Variants in SGSM1 observed in about 807,000 individuals in gnomAD.
The protein encoded by SGSM1 is small G protein signaling modulator 1, also known as RUN and TBC1 domain containing 2.
SGSM1 carries 73 observed loss-of-function variants against 133.8 expected under a neutral mutation model. The observed-to-expected ratio is 0.55, with a 90% CI of 0.45 to 0.66. The LOEUF (loss-of-function observed/expected upper bound fraction) is 0.66. Ranked by LOEUF, SGSM1 falls within the 30% of genes least tolerant of loss-of-function variation. The pLI, the probability that SGSM1 is intolerant of heterozygous loss-of-function variation, is 0.00. For missense variants in SGSM1, 1,213 were observed against 1,448.1 expected, an observed-to-expected ratio of 0.84 and a Z score of 2.64; for synonymous variants, 563 against 573.0, an observed-to-expected ratio of 0.98 and a Z score of 0.25.
intron 2 of SGSM1, among the ~76,000 whole-genome samples, chr22:24,830,433 G>A (rs531734550): frequency 3.2e-4 from 48 of 152,308 alleles, no homozygotes; most frequent in Non-Finnish European, 6.6e-4. Context: ...AGCTGTAAGT[G>A]GACAACCTTC....
chr22:24,851,740 A>G (rs967990969), intron 5 of SGSM1, among the ~76,000 whole-genome samples: 1 of 152,184 alleles, frequency 6.6e-6, no homozygotes, highest in African/African-American at 2.4e-5. Context: ...TGGTCAGGGA[A>G]AGTGTCCTGG....
chr22:24,844,777 A>C, intron 2 of SGSM1, 120 bp from the exon 3 acceptor site: 1 of 794,074 alleles, frequency 1.3e-6, no homozygotes, highest in Non-Finnish European at 2.0e-6. Context: ...GCAGGTGTCA[A>C]AACATCCCAA....
intron 2 of SGSM1, among the ~76,000 whole-genome samples, chr22:24,840,739 A>T (rs2147826040): frequency 6.6e-6 from 1 of 151,488 alleles, no homozygotes; most frequent in South Asian, 2.1e-4. Context: ...TTTCTTTGAG[A>T]TCTTTCTTAT....
At chr22:24,850,214 T>C in intron 4 of SGSM1, 66 bp from the exon 5 acceptor site, 1 of 1,444,684 alleles carries the variant, frequency 6.9e-7, no homozygotes, top group South Asian at 1.3e-5. Flanking sequence ...TTCTCCCATT[T>C]GCCAATTAGT....
chr22:24,871,512 G>C (rs1446710401), intron 12 of SGSM1, among the ~76,000 whole-genome samples: 1 of 152,152 alleles, frequency 6.6e-6, no homozygotes, highest in Non-Finnish European at 1.5e-5. Flanking sequence ...TCTGTCTGCT[G>C]TCCCACTGTC....
chr22:24,847,916 A>C, intron 4 of SGSM1, 120 bp downstream of exon 4: 1 of 1,338,406 alleles, frequency 7.5e-7, no homozygotes, highest in East Asian at 2.6e-5. Flanking sequence ...CTGCTTCTCA[A>C]ACCCACCAGA....
chr22:24,820,159 A>G (rs542895180), intron 2 of SGSM1, among the ~76,000 whole-genome samples: 6 of 152,268 alleles, frequency 3.9e-5, no homozygotes, highest in African/African-American at 1.4e-4. Context: ...TCACAGCTCC[A>G]TCCTCTCCTG....
chr22:24,888,938 C>CTTT (rs1234715475), intron 16 of SGSM1, among the ~76,000 whole-genome samples: 2,060 of 79,936 alleles, frequency 0.026, 134 homozygotes, highest in African/African-American at 0.063. Context: ...TCATAGTCAC[C>CTTT]TTTTTTTTTT....
chr22:24,863,661 C>T (rs1242560370), intron 9 of SGSM1, among the ~76,000 whole-genome samples: 1 of 151,662 alleles, frequency 6.6e-6, no homozygotes, highest in Non-Finnish European at 1.5e-5. Context: ...CCAGGAGCTC[C>T]AGCATCCCTT....
chr22:24,927,187 A>G lies in SGSM1; in HGVS notation c.*2913A>G, dbSNP rs1233463999. 1 of 152,192 alleles carries G rather than the reference A, an allele frequency of 6.6e-6. No individual in the cohort carries two copies. The highest frequency in any genetic ancestry group is 1.9e-4 in the East Asian group (1 of 5,192). 9.4% of individuals were successfully genotyped at this position (152,192 alleles called of 1,614,324 possible). A position where few individuals can be genotyped will look rare whatever the true frequency, so the allele number is the denominator to read the frequency against. On this transcript the variant is annotated 3_prime_UTR_variant, in exon 25 of 25. Coordinates refer to ENST00000400358, the MANE Select transcript of SGSM1 (RefSeq NM_001098497.3). Reference sequence around the variant, plus strand: ...GTGTCTGTGGTCAGCTGATGTCCAGATAGGCAACTCTGCTTCTGATGGTTG... The same window carrying G: ...GTGTCTGTGGTCAGCTGATGTCCAGGTAGGCAACTCTGCTTCTGATGGTTG...
At position 24,884,195 on chromosome 22, in the gene SGSM1, C is replaced by T. The variant is rs759834080; in HGVS notation, c.1638C>T (p.Ser546=). The T allele has an allele frequency of 6.2e-7, 1 of 1,612,556 alleles. No individual in the cohort carries two copies. Among genetic ancestry groups the T allele is most frequent in the Non-Finnish European group, 8.5e-7 (1 of 1,178,892 alleles). ...ARIWEQYLHD[S]TSYEEQELLR... ...TCTGGGAGCAGTACCTTCACGACAGCACAGTAAGGCTTAGCTGGGCTTGGT... is the reference window on the plus strand; with the variant it reads ...TCTGGGAGCAGTACCTTCACGACAGTACAGTAAGGCTTAGCTGGGCTTGGT... Residue 546 remains serine (S), a synonymous_variant, in exon 15 of 25, where the codon AGC becomes AGT. Coordinates refer to ENST00000400358, the MANE Select transcript of SGSM1 (RefSeq NM_001098497.3).
chr22:24,825,577 G>A (rs1928749818), intron 2 of SGSM1, among the ~76,000 whole-genome samples: 1 of 152,196 alleles, frequency 6.6e-6, no homozygotes, highest in Middle Eastern at 3.4e-3. Flanking sequence ...TTACAGGCAT[G>A]TGCCTCCACA....
Position 24,898,488 on chromosome 22 carries a change from C to G in SGSM1, c.2539C>G (p.Leu847Val). ...EPEMESLFPA[L>V]ASLAVTTSAN... ...TGAGATGGAAAGTCTCTTCCCTGCC[C>G]TGGCTTCTCTGGCTGTGACTACTTC... is the stretch of plus-strand genomic sequence containing the variant. The change falls in exon 19 of 25, where the codon CTG becomes GTG. Residue 847 changes from leucine (L) to valine (V), a missense_variant. Transcript: ENST00000400358. 1 of 1,613,904 alleles carries G rather than the reference C, an allele frequency of 6.2e-7. No individual in the cohort carries two copies.
rs1267599819 is a variant in SGSM1 at position 24,855,522 on chromosome 22, CCT to C, written c.670-24_670-23del. On this transcript the variant is annotated intron_variant, in intron 7 of 24. Coordinates refer to ENST00000400358, the MANE Select transcript of SGSM1 (RefSeq NM_001098497.3). ...CCTGAAAATCACCCCAGGCCTCATC[CCT>C]CTGTCTCCCGTCACTCTCTACCAGA... 4.3e-6 allele frequency: 7 copies of C among 1,613,618 alleles called. No individual in the cohort carries two copies. In the Admixed American group the frequency reaches 1.0e-4, roughly 23 times the overall value.
rs111570818 is a variant in SGSM1 at position 24,866,190 on chromosome 22, T to C, written c.927-903T>C. Among the ~76,000 whole-genome samples, 1,330 of 152,296 alleles carry C rather than the reference T, an allele frequency of 8.7e-3. 22 individuals carry two copies. The highest frequency in any genetic ancestry group is 0.031 in the African/African-American group (1,286 of 41,554). ...GGAAATGGAAACACTTAAATAATCATAGGGACCACTTCCCAGGTACGCACT... is the reference window on the plus strand; with the variant it reads ...GGAAATGGAAACACTTAAATAATCACAGGGACCACTTCCCAGGTACGCACT... On this transcript the variant is annotated intron_variant, in intron 9 of 24. Coordinates refer to ENST00000400358, the MANE Select transcript of SGSM1 (RefSeq NM_001098497.3).
chr22:24,872,935 T>A (rs1300541176), intron 12 of SGSM1, among the ~76,000 whole-genome samples: 2 of 151,154 alleles, frequency 1.3e-5, no homozygotes, highest in East Asian at 2.0e-4. Context: ...AAAAAAGAAA[T>A]TTTTTTAAAT....
chr22:24,859,325 C>A (rs1233140935), intron 8 of SGSM1, among the ~76,000 whole-genome samples: 1 of 152,156 alleles, frequency 6.6e-6, no homozygotes, highest in Non-Finnish European at 1.5e-5. Flanking sequence ...GCTCAACTGC[C>A]ATCTCTTTCT....
At chr22:24,830,191 G>A (rs577770458) in intron 2 of SGSM1, among the ~76,000 whole-genome samples, 4 of 152,308 alleles carry the variant, frequency 2.6e-5, no homozygotes, top group African/African-American at 4.8e-5. Flanking sequence ...CTGTCAGCTC[G>A]GGAAGATACT....
chr22:24,846,880 G>A (rs1228518483), intron 3 of SGSM1, among the ~76,000 whole-genome samples: 6 of 150,110 alleles, frequency 4.0e-5, no homozygotes, highest in African/African-American at 9.8e-5. Context: ...TCGCTCTGTC[G>A]CCCAGGCTGG....
Sources: gnomAD v4.1 joint callset for allele counts (sites outside exome capture counted in the v4.1 genomes callset) on GRCh38, gnomAD v4.1.1 for gene constraint, MANE v1.5 for transcripts, NCBI Gene and HGNC (gene_info 2026-07-23, HGNC 2026-07-21) for gene names.